Variants in THTPA observed in about 807,000 individuals in gnomAD.
THTPA encodes the protein thiamine triphosphatase, also known as thiamine-triphosphatase.
In THTPA, 16 loss-of-function variants were observed where a neutral mutation model predicts 16.5. That is an observed-to-expected ratio of 0.97 (90% CI 0.66 to 1.47). THTPA has a LOEUF of 1.47. THTPA is among the 40% of genes most tolerant of loss of function. The pLI, the probability that THTPA is intolerant of heterozygous loss-of-function variation, is 0.00. For synonymous variants in THTPA, 110 were observed against 115.5 expected (o/e 0.95, Z 0.30); for missense variants, 281 against 280.9 (o/e 1.00, Z 0.00).
the THTPA span, chr14:23,532,850 C>T: frequency 1.4e-5 from 21 of 1,536,294 alleles, no homozygotes; most frequent in South Asian, 1.7e-4. Flanking sequence ...AAGCTTGCAG[C>T]GGTGGGTGTC....
chr14:23,533,244 C>A, the THTPA span: 3 of 1,434,292 alleles, frequency 2.1e-6, no homozygotes. The surrounding 1 kb of genome is among the most constrained non-coding windows in gnomAD (Gnocchi z 4.8). Flanking sequence ...TAGAGTTTGG[C>A]CCTGGGGAGG....
chr14:23,534,966 A>G, the THTPA span: 1 of 1,536,062 alleles, frequency 6.5e-7, no homozygotes, highest in Non-Finnish European at 8.7e-7. The surrounding 1 kb of genome is among the most constrained non-coding windows in gnomAD (Gnocchi z 4.5). Context: ...GGTAGGCCTC[A>G]CCTCCAGCTG....
the THTPA span, chr14:23,542,288 A>C: frequency 6.6e-6 from 1 of 152,460 alleles, no homozygotes; most frequent in Non-Finnish European, 1.5e-5. Flanking sequence ...AGGTGTGAGG[A>C]GAAAAGGGTA....
At chr14:23,519,999 A>G in the THTPA span, among the ~76,000 whole-genome samples, 2 of 152,332 alleles carry the variant, frequency 1.3e-5, no homozygotes, top group East Asian at 3.9e-4. Context: ...TTTCTTTGCT[A>G]AAAGAAAACA....
the THTPA span, chr14:23,533,918 C>T: frequency 6.5e-7 from 1 of 1,538,090 alleles, no homozygotes; most frequent in Non-Finnish European, 8.7e-7. This position sits in a 1 kb window ranked among gnomAD's most constrained non-coding sequence, Gnocchi z 4.8. Context: ...CGCATGTGCA[C>T]ATCCAGGGTC....
the THTPA span, among the ~76,000 whole-genome samples, chr14:23,519,199 C>T: frequency 2.0e-5 from 3 of 152,056 alleles, no homozygotes; most frequent in Non-Finnish European, 2.9e-5. Context: ...GGTGAAAACA[C>T]TCATAGTTCA....
At chr14:23,523,161 G>T in the THTPA span, 9 of 1,410,518 alleles carry the variant, frequency 6.4e-6, no homozygotes, top group Non-Finnish European at 8.3e-6. This position sits in a 1 kb window ranked among gnomAD's most constrained non-coding sequence, Gnocchi z 4.1. Context: ...ATTAGAGGGG[G>T]ATGTTCTCTG....
chr14:23,541,322 CTT>C, the THTPA span, among the ~76,000 whole-genome samples: 2 of 144,820 alleles, frequency 1.4e-5, no homozygotes, highest in Non-Finnish European at 3.0e-5. Context: ...GAGTTTCGCT[CTT>C]GTTGCCCAGG....
rs1787583128 is a variant in THTPA at position 23,558,798 on chromosome 14, GAGGCCAC to G, written c.655_661del (p.Pro219ArgfsTer16). 3.1e-6 allele frequency: 5 copies of G among 1,614,202 alleles called. No homozygotes were observed. Among genetic ancestry groups the G allele is most frequent in the Non-Finnish European group, 3.4e-6 (4 of 1,180,042 alleles). On this transcript the variant is annotated frameshift_variant, in exon 2 of 2. Coordinates refer to ENST00000288014, the MANE Select transcript of THTPA (RefSeq NM_024328.6). LOFTEE classifies it low-confidence loss of function (END_TRUNC). ...TGCTAGAAGTGAACAGCTCCAGAGA[GAGGCCAC>G]AGGAGACTGAAGATCCTGACCACTG...
chr14:23,522,503 A>G, the THTPA span: 25 of 1,533,250 alleles, frequency 1.6e-5, no homozygotes, highest in Non-Finnish European at 2.2e-5. Flanking sequence ...GAGCAGCCCA[A>G]TGAGGGTCTG....
At chr14:23,519,784 C>T in the THTPA span, among the ~76,000 whole-genome samples, 1 of 152,178 alleles carries the variant, frequency 6.6e-6, no homozygotes, top group Non-Finnish European at 1.5e-5. Flanking sequence ...TCAGTATTAA[C>T]ATGTTCACAG....
At chr14:23,531,883 T>C in the THTPA span, 1 of 966,138 alleles carries the variant, frequency 1.0e-6, no homozygotes, top group Non-Finnish European at 1.3e-6. Flanking sequence ...GTTCAGTGAT[T>C]CTCATGCCTC....
chr14:23,514,485 T>C, the THTPA span: 1 of 152,500 alleles, frequency 6.6e-6, no homozygotes, highest in Non-Finnish European at 1.5e-5. Context: ...GGCTCTAGAA[T>C]GGGAAGGGTA....
chr14:23,525,104 A>G, the THTPA span: 1 of 1,536,128 alleles, frequency 6.5e-7, no homozygotes, highest in Non-Finnish European at 8.7e-7. The surrounding 1 kb of genome is among the most constrained non-coding windows in gnomAD (Gnocchi z 5.9). Flanking sequence ...AGTCTCAAAG[A>G]AAGACTGCAG....
chr14:23,555,184 C>T (rs545401622), upstream of THTPA, among the ~76,000 whole-genome samples: 205 of 151,842 alleles, frequency 1.4e-3, 2 homozygotes, highest in African/African-American at 4.9e-3. Flanking sequence ...GACGGCGGGC[C>T]GGGGGGGTTT....
chr14:23,541,693 C>T, the THTPA span, among the ~76,000 whole-genome samples: 2 of 152,202 alleles, frequency 1.3e-5, no homozygotes, highest in South Asian at 4.1e-4. Context: ...AAATTGTGCC[C>T]AGGCTCACAT....
At chr14:23,523,376 T>A in the THTPA span, 1 of 1,491,430 alleles carries the variant, frequency 6.7e-7, no homozygotes, top group Non-Finnish European at 8.9e-7. This position sits in a 1 kb window ranked among gnomAD's most constrained non-coding sequence, Gnocchi z 4.1. Context: ...GGCCAAGTCG[T>A]AGCACTTGCT....
the THTPA span, among the ~76,000 whole-genome samples, chr14:23,520,521 C>G: frequency 5.9e-5 from 9 of 152,218 alleles, no homozygotes; most frequent in South Asian, 1.5e-3. This position sits in a 1 kb window ranked among gnomAD's most constrained non-coding sequence, Gnocchi z 8.7. Context: ...CTGGGACTGC[C>G]AAGATACTTT....
the THTPA span, among the ~76,000 whole-genome samples, chr14:23,519,971 C>T: frequency 2.7e-4 from 41 of 152,248 alleles, no homozygotes; most frequent in East Asian, 1.5e-3. Context: ...ACCTGGAGGA[C>T]GAGGAATTTT....
Sources: gnomAD v4.1 joint callset for allele counts (sites outside exome capture counted in the v4.1 genomes callset) on GRCh38, gnomAD v4.1.1 for gene constraint, Gnocchi (gnomAD v3.1) non-coding constraint, MANE v1.5 for transcripts, NCBI Gene and HGNC (gene_info 2026-07-23, HGNC 2026-07-21) for gene names.